NPHP4: variants seen among roughly 807,000 people sequenced by gnomAD.
The protein encoded by NPHP4 is nephrocystin-4.
In NPHP4, 151 loss-of-function variants were observed where a neutral mutation model predicts 155.8. The observed-to-expected ratio is 0.97, with a 90% confidence interval of 0.85 to 1.11. The LOEUF is 1.11. Ranked by LOEUF, NPHP4 falls within the 50% of genes least tolerant of loss-of-function variation. The pLI is 0.00. For missense variants in NPHP4, 1,956 were observed against 1,925.7 expected, an observed-to-expected ratio of 1.02 and a Z score of -0.29; for synonymous variants, 845 against 816.8, an observed-to-expected ratio of 1.03 and a Z score of -0.59.
At chr1:5,974,462 A>C (rs1469982729) in intron 3 of NPHP4, among the ~76,000 whole-genome samples, 1 of 152,230 alleles carries the variant, frequency 6.6e-6, no homozygotes, top group African/African-American at 2.4e-5. Context: ...CACCTCAAAA[A>C]GAAAACTGAG....
At chr1:5,982,187 T>C (rs920055685) in intron 2 of NPHP4, among the ~76,000 whole-genome samples, 4 of 152,246 alleles carry the variant, frequency 2.6e-5, no homozygotes, top group African/African-American at 9.6e-5. Flanking sequence ...CTATTATTTG[T>C]CCTTTATTGA....
chr1:5,957,370 C>T (rs1436938134), intron 6 of NPHP4, among the ~76,000 whole-genome samples: 4 of 152,206 alleles, frequency 2.6e-5, no homozygotes, highest in African/African-American at 4.8e-5. Flanking sequence ...TAGGCCCTAA[C>T]GGGCTCCCAC....
Position 5,865,091 on chromosome 1 carries a change from A to G in NPHP4, c.3816+11T>C, listed in dbSNP as rs1641066721. On this transcript the variant is annotated intron_variant, in intron 27 of 29. Coordinates refer to ENST00000378156, the MANE Select transcript of NPHP4 (RefSeq NM_015102.5). Reference sequence around the variant, plus strand: ...GGGAGAGGCTCAGAACAGCCCCCAGAGAGGCCGTACCTTCAGCTCCTGGGG... The same window carrying G: ...GGGAGAGGCTCAGAACAGCCCCCAGGGAGGCCGTACCTTCAGCTCCTGGGG... The G allele has an allele frequency of 6.2e-7, 1 of 1,612,718 alleles. No individual in the cohort carries two copies. The highest frequency in any genetic ancestry group is 8.5e-7 in the Non-Finnish European group (1 of 1,179,118).
chr1:5,864,376 G>T lies in NPHP4; in HGVS notation c.3958C>A (p.Leu1320Ile), dbSNP rs1437780878. The change falls in exon 28 of 30, where the codon CTC becomes ATC. Residue 1320 changes from leucine (L) to isoleucine (I), a missense_variant. Coordinates refer to ENST00000378156, the MANE Select transcript of NPHP4 (RefSeq NM_015102.5). The stretch of plus-strand genomic sequence containing the variant: ...GGCTGGCGGCAGCAGAGGCACACGA[G>T]CCAGGAGGCCACCAGCTGGTGGCAA... The part of the protein sequence containing the change: ...VDCHQLVASW[L>I]VCLCCRQPLI... The T allele has an allele frequency of 2.5e-6, 4 of 1,610,614 alleles. No homozygotes were observed. In the South Asian group the frequency reaches 3.3e-5, roughly 13 times the overall value.
intron 16 of NPHP4, among the ~76,000 whole-genome samples, chr1:5,893,817 C>T (rs1039360226): frequency 6.6e-6 from 1 of 152,200 alleles, no homozygotes; most frequent in Non-Finnish European, 1.5e-5. Flanking sequence ...GTCCGCCTGG[C>T]AACGGGCGTC....
At chr1:5,926,764 C>T (rs1457388889) in intron 11 of NPHP4, among the ~76,000 whole-genome samples, 1 of 152,204 alleles carries the variant, frequency 6.6e-6, no homozygotes, top group African/African-American at 2.4e-5. Flanking sequence ...GCACAGAAAG[C>T]AACTCCTCCC....
rs148873796 is a variant in NPHP4, at chr1:5,973,903, C to A, written c.279+4367G>T. 6.2e-4 allele frequency among the ~76,000 whole-genome samples: 95 copies of A among 152,334 alleles called. 2 individuals are homozygous for A. In the South Asian group the frequency reaches 8.5e-3, roughly 14 times the overall value. On this transcript the variant is annotated intron_variant, in intron 3 of 29. Transcript: ENST00000378156. ...AGAGCCTCCCTCTGTGGAAGCAGCT[C>A]GCTGGGACACGAAGCCAGCTTCTTG...
At chr1:5,870,605 T>C (rs1368398149) in intron 23 of NPHP4, among the ~76,000 whole-genome samples, 1 of 152,188 alleles carries the variant, frequency 6.6e-6, no homozygotes, top group African/African-American at 2.4e-5. Flanking sequence ...CTCATGACTT[T>C]CTAATTACTA....
intron 16 of NPHP4, among the ~76,000 whole-genome samples, chr1:5,900,503 A>C (rs572951668): frequency 6.6e-6 from 1 of 152,172 alleles, no homozygotes; most frequent in East Asian, 1.9e-4. Context: ...ATTCTGGAAG[A>C]GGCAACATGG....
intron 11 of NPHP4, among the ~76,000 whole-genome samples, chr1:5,912,724 G>A (rs1475676867): frequency 6.6e-6 from 1 of 152,148 alleles, no homozygotes; most frequent in Admixed American, 6.5e-5. Flanking sequence ...AGACACACCT[G>A]TAGGTCCCTG....
At position 5,910,788 on chromosome 1, in the gene NPHP4, C is replaced by CA. The variant is rs1467956080; in HGVS notation, c.1442-1576dup. Among the ~76,000 whole-genome samples, 4 of 152,246 alleles carry CA rather than the reference C, an allele frequency of 2.6e-5. No homozygotes were observed. Among genetic ancestry groups the CA allele is most frequent in the Non-Finnish European group, 5.9e-5 (4 of 68,038 alleles). On this transcript the variant is annotated intron_variant, in intron 11 of 29. Transcript: ENST00000378156. This position sits in a 1 kb window ranked among gnomAD's most constrained non-coding sequence, Gnocchi z 5.4. ...GAGCCAATCCCCGCCGTGCCTCTCC[C>CA]AGCAGCTTCCAGAACCCATCCAAGG...
At chr1:5,967,400 G>A (rs767461235) in intron 4 of NPHP4, 37 bp from the exon 5 acceptor site, 9 of 1,538,016 alleles carry the variant, frequency 5.9e-6, no homozygotes, top group Middle Eastern at 1.7e-4. Context: ...CGTCAGCCAC[G>A]TGCGCACTTC....
chr1:5,921,003 T>G (rs1645715295), intron 11 of NPHP4, among the ~76,000 whole-genome samples: 2 of 152,226 alleles, frequency 1.3e-5, no homozygotes, highest in African/African-American at 4.8e-5. Flanking sequence ...CTTTAAGTAT[T>G]TAATCCATCC....
Position 5,977,364 on chromosome 1 carries a change from G to A in NPHP4, c.279+906C>T, listed in dbSNP as rs142180342. Among the ~76,000 whole-genome samples, 99 of 152,142 alleles carry A rather than the reference G, an allele frequency of 6.5e-4. 1 individual carries two copies. The East Asian group carries it at 0.016, about 24-fold the overall frequency. On this transcript the variant is annotated intron_variant, in intron 3 of 29. Transcript: ENST00000378156. ...AGCAGCCTCGTCCCTGCTTGTCACG[G>A]AGTCAGTTTCTTTCTCATCCTGTAA...
At chr1:5,934,355 G>A (rs972200184) in intron 9 of NPHP4, among the ~76,000 whole-genome samples, 2 of 152,118 alleles carry the variant, frequency 1.3e-5, no homozygotes, top group Non-Finnish European at 2.9e-5. Flanking sequence ...TAAGTGCTGC[G>A]GAGCGCTGCC....
chr1:5,876,959 G>T, intron 20 of NPHP4, 134 bp downstream of exon 20: 1 of 629,508 alleles, frequency 1.6e-6, no homozygotes. Context: ...GAAAAAGTCC[G>T]ATTTTCTTAT....
rs140109955 is a variant in NPHP4 at position 5,905,844 on chromosome 1, G to A, written c.1612-61C>T. 482 of 1,506,650 alleles carry A rather than the reference G, an allele frequency of 3.2e-4. No homozygotes were observed. The highest frequency in any genetic ancestry group is 1.5e-3 in the African/African-American group (111 of 72,394). 93.3% of individuals were successfully genotyped at this position (1,506,650 alleles called of 1,614,324 possible). On this transcript the variant is annotated intron_variant, in intron 13 of 29. Transcript: ENST00000378156. The surrounding 1 kb of genome is among the most constrained non-coding windows in gnomAD (Gnocchi z 4.0). ...AGGACCCCAACCCGTAACAACCAAC[G>A]GTGCTCAGATCTAAGGGGATTCATC... is the stretch of plus-strand genomic sequence containing the variant.
chr1:5,964,231 G>A (rs1443428537), intron 5 of NPHP4, among the ~76,000 whole-genome samples: 2 of 152,210 alleles, frequency 1.3e-5, no homozygotes, highest in Admixed American at 6.5e-5. Flanking sequence ...TCCGTAAAAC[G>A]ACCCCGGAAG....
At chr1:5,967,407 C>A (rs1335073416) in intron 4 of NPHP4, 44 bp from the exon 5 acceptor site, 1 of 1,509,492 alleles carries the variant, frequency 6.6e-7, no homozygotes, top group South Asian at 1.2e-5. Flanking sequence ...CACGTGCGCA[C>A]TTCTCAGAAG....
Sources: allele counts gnomAD v4.1 joint callset (sites outside exome capture counted in the v4.1 genomes callset), GRCh38; gene constraint gnomAD v4.1.1; non-coding constraint Gnocchi (gnomAD v3.1); transcripts MANE v1.5; gene names NCBI Gene and HGNC (gene_info 2026-07-23, HGNC 2026-07-21).